The following CAMKMT variants were observed in gnomAD, a reference collection of about 807,000 sequenced individuals.
The protein encoded by CAMKMT is CaM KMT.
Under a neutral mutation model 48.0 loss-of-function variants are expected in CAMKMT, and 53 were observed. The observed-to-expected ratio is 1.10, with a 90% CI of 0.89 to 1.39. The LOEUF is 1.39. Ranked by LOEUF, CAMKMT falls within the 40% of genes most tolerant of loss-of-function variation. The pLI, the probability that CAMKMT is intolerant of heterozygous loss-of-function variation, is 0.00. For missense variants in CAMKMT, 428 were observed against 402.7 expected (o/e 1.06, Z -0.54); for synonymous variants, 165 against 152.3 (o/e 1.08, Z -0.61).
chr2:44,692,092 G>A (rs1202426459), intron 3 of CAMKMT, among the ~76,000 whole-genome samples: 1 of 152,060 alleles, frequency 6.6e-6, no homozygotes, highest in Non-Finnish European at 1.5e-5. Context: ...CCCGTAACAA[G>A]GGCACATTTA....
At chr2:44,762,656 T>C (rs1262743771) in intron 9 of CAMKMT, among the ~76,000 whole-genome samples, 1 of 152,174 alleles carries the variant, frequency 6.6e-6, no homozygotes, top group East Asian at 1.9e-4. Flanking sequence ...TAAAGTATAA[T>C]AAAAAATAAA....
chr2:44,364,863 G>C (rs1678425333), intron 1 of CAMKMT, among the ~76,000 whole-genome samples: 1 of 152,138 alleles, frequency 6.6e-6, no homozygotes, highest in African/African-American at 2.4e-5. Context: ...AGAGGTATAA[G>C]AGCAAGCCCA....
chr2:44,659,084 T>G (rs1207920815), intron 3 of CAMKMT, among the ~76,000 whole-genome samples: 2 of 148,866 alleles, frequency 1.3e-5, no homozygotes, highest in African/African-American at 2.5e-5. Flanking sequence ...AGTTTTTTTT[T>G]TTTTTTTTTT....
At chr2:44,396,902 T>C (rs996869113) in intron 3 of CAMKMT, among the ~76,000 whole-genome samples, 7 of 151,564 alleles carry the variant, frequency 4.6e-5, no homozygotes, top group African/African-American at 1.7e-4. Flanking sequence ...CTACTAAAAA[T>C]ACAAAAATTA....
chr2:44,667,198 A>T (rs1042726930), intron 3 of CAMKMT, among the ~76,000 whole-genome samples: 1 of 152,198 alleles, frequency 6.6e-6, no homozygotes, highest in Non-Finnish European at 1.5e-5. Flanking sequence ...CAGTTCCCTG[A>T]GGGCCTTAGC....
intron 3 of CAMKMT, among the ~76,000 whole-genome samples, chr2:44,598,501 A>G (rs1670800022): frequency 6.6e-6 from 1 of 151,690 alleles, no homozygotes; most frequent in Non-Finnish European, 1.5e-5. Context: ...TCCTGCTGGA[A>G]TTAGCATTGT....
In CAMKMT at chr2:44,478,855, C is replaced by T. The variant is rs528523585; in HGVS notation, c.376+88550C>T. 9.5e-4 allele frequency among the ~76,000 whole-genome samples: 145 copies of T among 152,230 alleles called. 1 individual carries two copies. Among genetic ancestry groups the T allele is most frequent in the African/African-American group, 3.3e-3 (138 of 41,534 alleles). ...AGCCGGGACTACAGGCGCCCGCCAC[C>T]ACGCCGGCTAATTTTTTGTATTTTT... On this transcript the variant is annotated intron_variant, in intron 3 of 10. Transcript: ENST00000378494.
At chr2:44,760,136 A>G (rs780448791) in intron 9 of CAMKMT, among the ~76,000 whole-genome samples, 17 of 152,162 alleles carry the variant, frequency 1.1e-4, no homozygotes, top group Non-Finnish European at 2.4e-4. Flanking sequence ...CCCAGGAATT[A>G]CAGTGCAATA....
At chr2:44,574,283 A>G (rs1669084101) in intron 3 of CAMKMT, among the ~76,000 whole-genome samples, 2 of 152,200 alleles carry the variant, frequency 1.3e-5, no homozygotes, top group African/African-American at 4.8e-5. Context: ...TTTTCACAGG[A>G]TCGAATGGGT....
At chr2:44,524,964 A>T (rs13012865) in intron 3 of CAMKMT, among the ~76,000 whole-genome samples, 79,000 of 150,190 alleles carry the variant, frequency 0.53, 21,366 homozygotes, top group Non-Finnish European at 0.59. Context: ...TGCAAATTTC[A>T]TAAAAAAAAA....
At chr2:44,734,687 C>T (rs927160573) in intron 7 of CAMKMT, among the ~76,000 whole-genome samples, 3 of 152,142 alleles carry the variant, frequency 2.0e-5, no homozygotes, top group African/African-American at 7.2e-5. Context: ...TGCTGGATTA[C>T]AGGGATGAGC....
At chr2:44,410,231 G>GTGTATATATA (rs1491181145) in intron 3 of CAMKMT, among the ~76,000 whole-genome samples, 1 of 20,438 alleles carries the variant, frequency 4.9e-5, no homozygotes, top group African/African-American at 1.8e-4. Flanking sequence ...TCAGGTATCA[G>GTGTATATATA]TATATATATA....
intron 3 of CAMKMT, among the ~76,000 whole-genome samples, chr2:44,627,977 A>G (rs1281973606): frequency 6.6e-6 from 1 of 152,070 alleles, no homozygotes. Flanking sequence ...TGCTGGGATT[A>G]TAGGCATGAG....
intron 7 of CAMKMT, among the ~76,000 whole-genome samples, chr2:44,721,126 A>G (rs1678440869): frequency 1.3e-5 from 2 of 152,096 alleles, no homozygotes; most frequent in Non-Finnish European, 2.9e-5. Context: ...TCTAATTCTC[A>G]TACCTCCTTT....
intron 3 of CAMKMT, among the ~76,000 whole-genome samples, chr2:44,633,374 C>G (rs2103975634): frequency 6.6e-6 from 1 of 152,230 alleles, no homozygotes; most frequent in South Asian, 2.1e-4. Context: ...CCATTTCTTT[C>G]CCCATTCCTG....
At chr2:44,442,284 G>T (rs186664213) in intron 3 of CAMKMT, among the ~76,000 whole-genome samples, 1 of 152,082 alleles carries the variant, frequency 6.6e-6, no homozygotes, top group East Asian at 1.9e-4. Flanking sequence ...CAAGAGCAAT[G>T]GTTATCATTT....
chr2:44,418,868 A>G (rs1410087065), intron 3 of CAMKMT, among the ~76,000 whole-genome samples: 1 of 152,220 alleles, frequency 6.6e-6, no homozygotes, highest in African/African-American at 2.4e-5. Context: ...CATCCAATCT[A>G]TAAACCTGAT....
At chr2:44,568,734 G>A (rs948348238) in intron 3 of CAMKMT, among the ~76,000 whole-genome samples, 1 of 152,170 alleles carries the variant, frequency 6.6e-6, no homozygotes, top group Admixed American at 6.5e-5. Flanking sequence ...CCAATAGGAA[G>A]ACATTGAAAG....
At chr2:44,682,066 A>G (rs1676048104) in intron 3 of CAMKMT, among the ~76,000 whole-genome samples, 1 of 152,156 alleles carries the variant, frequency 6.6e-6, no homozygotes, top group Non-Finnish European at 1.5e-5. Context: ...AAGTCCAAAG[A>G]TGGGGTCGAT....
Sources: gnomAD v4.1 joint callset for allele counts (sites outside exome capture counted in the v4.1 genomes callset) on GRCh38, gnomAD v4.1.1 for gene constraint, MANE v1.5 for transcripts, NCBI Gene and HGNC (gene_info 2026-07-23, HGNC 2026-07-21) for gene names.